SPTBN4: variants seen among roughly 807,000 people sequenced by gnomAD.
SPTBN4 encodes spectrin beta, non-erythrocytic 4.
In SPTBN4, 96 loss-of-function variants were observed where a neutral mutation model predicts 277.8. That is an observed-to-expected ratio of 0.35 (90% confidence interval 0.29 to 0.41). The LOEUF (loss-of-function observed/expected upper bound fraction) is 0.41, where lower values mean the gene tolerates loss of function less well. Among genes scored for constraint, SPTBN4 ranks in the 10% least tolerant of loss-of-function variants. The pLI, the probability that SPTBN4 is intolerant of heterozygous loss-of-function variation, is 1.00. For synonymous variants in SPTBN4, 1,481 were observed against 1,580.3 expected (o/e 0.94, Z 1.49); for missense variants, 3,006 against 3,595.7 (o/e 0.84, Z 4.19).
In SPTBN4 at chr19:40,502,306, A is replaced by G; in HGVS notation, c.1076A>G (p.Lys359Arg). 1 of 1,611,758 alleles carries G rather than the reference A, an allele frequency of 6.2e-7. No homozygotes were observed. Residue 359 changes from lysine to arginine, a missense_variant, in exon 9 of 36, where the codon AAG becomes AGG. Coordinates refer to ENST00000598249, the MANE Select transcript of SPTBN4 (RefSeq NM_020971.3). This position sits in a 1 kb window ranked among gnomAD's most constrained non-coding sequence, Gnocchi z 4.9. ...TTCACGGCCTATTGCACGCTGGAGA[A>G]GCCTGTCAAGTGAGGCCCAGCTCTG... ...QAFTAYCTLE[K>R]PVKFQEKGNL...
chr19:40,471,311 C>T (rs2079882133), intron 1 of SPTBN4, among the ~76,000 whole-genome samples: 1 of 152,122 alleles, frequency 6.6e-6, no homozygotes, highest in Non-Finnish European at 1.5e-5. Flanking sequence ...TAGATCAACT[C>T]CTCTGTGCCT....
intron 2 of SPTBN4, among the ~76,000 whole-genome samples, chr19:40,474,060 G>A (rs2079918473): frequency 6.6e-6 from 1 of 150,606 alleles, no homozygotes; most frequent in African/African-American, 2.5e-5. Flanking sequence ...GCTGAGGTGG[G>A]AGGATGGCCT....
chr19:40,502,920 G>T lies in SPTBN4; in HGVS notation c.1349G>T (p.Arg450Leu), dbSNP rs756154554. Residue 450 changes from arginine (R) to leucine (L), a missense_variant, in exon 11 of 36, where the codon CGT becomes CTT. Transcript: ENST00000598249. This position sits in a 1 kb window ranked among gnomAD's most constrained non-coding sequence, Gnocchi z 4.9. The part of the protein sequence containing the change: ...MRESWLNENQ[R>L]LVSQDNFGYE... The stretch of plus-strand genomic sequence containing the variant: ...GAGAGCTGGCTGAATGAGAACCAGC[G>T]TCTGGTCTCCCAGGTACAAGGTGTA... 1 of 1,613,578 alleles carries T rather than the reference G, an allele frequency of 6.2e-7. No individual in the cohort carries two copies. Among genetic ancestry groups the T allele is most frequent in the East Asian group, 2.2e-5 (1 of 44,898 alleles).
chr19:40,491,432 AT>A (rs1297103128), intron 4 of SPTBN4, among the ~76,000 whole-genome samples: 1 of 152,064 alleles, frequency 6.6e-6, no homozygotes, highest in Non-Finnish European at 1.5e-5. Context: ...GGGGAGGTGC[AT>A]ACAAGTTTAG....
At chr19:40,516,385 C>G (rs2080460957) in intron 15 of SPTBN4, among the ~76,000 whole-genome samples, 3 of 152,024 alleles carry the variant, frequency 2.0e-5, no homozygotes, top group Non-Finnish European at 4.4e-5. Flanking sequence ...TCATTGCAGC[C>G]TCCAACACCT....
chr19:40,570,959 G>C, intron 33 of SPTBN4: 1 of 517,106 alleles, frequency 1.9e-6, no homozygotes, highest in Non-Finnish European at 3.4e-6. Context: ...GGGGTAGTAG[G>C]TGGGGCCAGA....
rs541523661 is a variant in SPTBN4, at chr19:40,508,923, C to T, written c.1816+2537C>T. 5.9e-5 allele frequency among the ~76,000 whole-genome samples: 9 copies of T among 151,934 alleles called. No individual in the cohort carries two copies. In the South Asian group the frequency reaches 1.3e-3, roughly 21 times the overall value. On this transcript the variant is annotated intron_variant, in intron 13 of 35. Coordinates refer to ENST00000598249, the MANE Select transcript of SPTBN4 (RefSeq NM_020971.3). The stretch of plus-strand genomic sequence containing the variant: ...ATTCATCTGAGCCGGCGAGGGGATG[C>T]GTGGTCATTTTTGTGGTTTGCACAG...
chr19:40,467,534 G>C (rs751868813), intron 1 of SPTBN4, among the ~76,000 whole-genome samples: 1 of 151,972 alleles, frequency 6.6e-6, no homozygotes, highest in Non-Finnish European at 1.5e-5. Context: ...CTCCTTGGGC[G>C]CAGTGTCTGG....
chr19:40,556,998 C>CA lies in SPTBN4; in HGVS notation c.5290-25_5290-24insA, dbSNP rs770509049. 18 of 1,070,932 alleles carry CA rather than the reference C, an allele frequency of 1.7e-5. No homozygotes were observed. In the East Asian group the frequency reaches 5.6e-4, roughly 34 times the overall value. The allele number at this position is 1,070,932 out of a possible 1,614,324, so 66.3% of individuals were successfully genotyped here. On this transcript the variant is annotated intron_variant, in intron 25 of 35. Transcript: ENST00000598249. The stretch of plus-strand genomic sequence containing the variant: ...TGCCCCTTTGCTCACTTTGCTGTAC[C>CA]CCCCCCCCCACTTCCTGATGGCAGG...
rs750122859 is a variant in SPTBN4, at chr19:40,557,119, G to A, written c.5386G>A (p.Glu1796Lys). The A allele has an allele frequency of 8.1e-6, 13 of 1,610,256 alleles. No individual in the cohort carries two copies. Among genetic ancestry groups the A allele is most frequent in the South Asian group, 4.4e-5 (4 of 90,846 alleles). The change falls in exon 26 of 36, where the codon GAG becomes AAG. Residue 1796 changes from glutamate to lysine, a missense_variant. By Grantham distance (56) the Glu-to-Lys change is moderately conservative. Around this residue, in one of 5 missense-constraint regions of SPTBN4, gnomAD observed 425 missense variants for 594.7 expected, o/e 0.71. Transcript: ENST00000598249. ...AVNQMVDELI[E>K]CGHTAAATMA... ...GAACCAGATGGTGGATGAGCTGATC[G>A]AGTGTGGCCATACAGCAGCGGCCAC...
intron 1 of SPTBN4, among the ~76,000 whole-genome samples, chr19:40,471,601 A>G (rs978206608): frequency 1.3e-5 from 2 of 152,166 alleles, no homozygotes; most frequent in African/African-American, 4.8e-5. Flanking sequence ...GAAATAGGGT[A>G]TCGCCATATT....
At chr19:40,503,016 C>CTTCT in intron 11 of SPTBN4, 83 bp downstream of exon 11, 1 of 1,505,356 alleles carries the variant, frequency 6.6e-7, no homozygotes, top group South Asian at 1.3e-5. Flanking sequence ...GAGACTTGAT[C>CTTCT]TTCTAGGCAA....
At position 40,560,832 on chromosome 19, in the gene SPTBN4, C is replaced by G; in HGVS notation, c.5915+429C>G. ...ATGTGAGTGTCCAGCAGAATCCTGTCCCCTGGTGATTGGGAGCCAGGGTCC... is the reference window on the plus strand; with the variant it reads ...ATGTGAGTGTCCAGCAGAATCCTGTGCCCTGGTGATTGGGAGCCAGGGTCC... On this transcript the variant is annotated intron_variant, in intron 27 of 35. Coordinates refer to ENST00000598249, the MANE Select transcript of SPTBN4 (RefSeq NM_020971.3). The surrounding 1 kb of genome is among the most constrained non-coding windows in gnomAD (Gnocchi z 5.2). The G allele has an allele frequency of 1.2e-6, 1 of 864,852 alleles. No individual in the cohort carries two copies. The highest frequency in any genetic ancestry group is 7.6e-5 in the East Asian group (1 of 13,220). 53.6% of individuals were successfully genotyped at this position (864,852 alleles called of 1,614,324 possible).
chr19:40,495,280 G>A (rs759748165), intron 6 of SPTBN4, among the ~76,000 whole-genome samples: 25 of 152,000 alleles, frequency 1.6e-4, no homozygotes, highest in East Asian at 3.9e-4. Flanking sequence ...CAGCCTGCCC[G>A]CAGGGTAGGA....
Position 40,576,232 on chromosome 19 carries a change from GT to G in SPTBN4, c.*667del, listed in dbSNP as rs373375897. The G allele has an allele frequency of 1.2e-4, 18 of 152,640 alleles. No individual in the cohort carries two copies. Among genetic ancestry groups the G allele is most frequent in the African/African-American group, 4.3e-4 (18 of 41,566 alleles). The allele number at this position is 152,640 out of a possible 1,614,324, so 9.5% of individuals were successfully genotyped here. ...GGGAGGGGCGTCAAAGCTCAAAACTGTTTTCCTCTCTCCTCCCCCCTCCAGT... is the reference window on the plus strand; with the variant it reads ...GGGAGGGGCGTCAAAGCTCAAAACTGTTTCCTCTCTCCTCCCCCCTCCAGT... On this transcript the variant is annotated 3_prime_UTR_variant, in exon 36 of 36. Coordinates refer to ENST00000598249, the MANE Select transcript of SPTBN4 (RefSeq NM_020971.3).
At chr19:40,568,368 C>T (rs1394096761) in intron 31 of SPTBN4, 86 bp downstream of exon 31, 1 of 1,448,372 alleles carries the variant, frequency 6.9e-7, no homozygotes, top group Non-Finnish European at 9.1e-7. Context: ...GAAAGGGCTT[C>T]AGGGCTCAGA....
At position 40,493,063 on chromosome 19, in the gene SPTBN4, C is replaced by G; in HGVS notation, c.587+9C>G. ...CAGATGAAGACAGCTGGGTAAGCAC[C>G]CCCACCACCTTCCTTAGGAGGTTAG... On this transcript the variant is annotated intron_variant, in intron 5 of 35. Transcript: ENST00000598249. 1 of 1,613,824 alleles carries G rather than the reference C, an allele frequency of 6.2e-7. No homozygotes were observed. The highest frequency in any genetic ancestry group is 8.5e-7 in the Non-Finnish European group (1 of 1,179,790).
chr19:40,519,530 G>A lies in SPTBN4; in HGVS notation c.3033G>A (p.Glu1011=), dbSNP rs1471787605. Residue 1011 remains glutamate (E), a synonymous_variant, in exon 16 of 36, where the codon GAG becomes GAA. Coordinates refer to ENST00000598249, the MANE Select transcript of SPTBN4 (RefSeq NM_020971.3). This position sits in a 1 kb window ranked among gnomAD's most constrained non-coding sequence, Gnocchi z 5.7. ...TGCGTGAGAAGCGGAGAGCTGTGGAGAGCGCGCCCCGGGCCGGCGGCGCCC... is the reference window on the plus strand; with the variant it reads ...TGCGTGAGAAGCGGAGAGCTGTGGAAAGCGCGCCCCGGGCCGGCGGCGCCC... ...AQVREKRRAV[E]SAPRAGGALQ... is the part of the protein sequence containing the mutation. The A allele has an allele frequency of 1.3e-6, 2 of 1,594,192 alleles. No individual in the cohort carries two copies. The highest frequency in any genetic ancestry group is 1.7e-6 in the Non-Finnish European group (2 of 1,172,936).
rs538692754 is a variant in SPTBN4 at position 40,519,899 on chromosome 19, G to A, written c.3402G>A (p.Ala1134=). ...ACGCGCTGCTGGCGCGCCACGCTGC[G>A]CTCAAGGAGGAGGTGGACCAGCGCG... ...EADALLARHA[A]LKEEVDQREE... is the part of the protein sequence containing the mutation. The change falls in exon 16 of 36, where the codon GCG becomes GCA. Residue 1134 remains alanine, a synonymous_variant. Transcript: ENST00000598249. The surrounding 1 kb of genome is among the most constrained non-coding windows in gnomAD (Gnocchi z 5.7). 7.8e-6 allele frequency: 12 copies of A among 1,536,228 alleles called. No homozygotes were observed. The highest frequency in any genetic ancestry group is 1.4e-5 in the African/African-American group (1 of 70,866).
Sources: allele counts gnomAD v4.1 joint callset (sites outside exome capture counted in the v4.1 genomes callset), GRCh38; gene constraint gnomAD v4.1.1; regional missense constraint gnomAD v4.1.1; non-coding constraint Gnocchi (gnomAD v3.1); transcripts MANE v1.5; gene names NCBI Gene and HGNC (gene_info 2026-07-23, HGNC 2026-07-21).